Variants in FOCAD observed in about 807,000 individuals in gnomAD.
The protein encoded by FOCAD is KIAA1797.
In FOCAD, 198 loss-of-function variants were observed where a neutral mutation model predicts 225.6. The observed-to-expected ratio is 0.88, with a 90% confidence interval of 0.78 to 0.99. The LOEUF is 0.99. Among genes scored for constraint, FOCAD ranks in the 50% least tolerant of loss-of-function variants. The probability of loss-of-function intolerance (pLI) is 0.00; values close to 1 mark genes in which losing one functional copy is unlikely to be tolerated. For missense variants in FOCAD, 2,713 were observed against 2,123.6 expected, an observed-to-expected ratio of 1.28 and a Z score of -5.46; for synonymous variants, 897 against 755.0, an observed-to-expected ratio of 1.19 and a Z score of -3.08.
intron 28 of FOCAD, among the ~76,000 whole-genome samples, chr9:20,935,503 T>G (rs1587658409): frequency 2.0e-5 from 3 of 152,132 alleles, no homozygotes; most frequent in African/African-American, 7.2e-5. Flanking sequence ...CGAGTTCAAG[T>G]GATTCTCCTG....
At chr9:20,695,746 A>G (rs1167609040) in intron 1 of FOCAD, among the ~76,000 whole-genome samples, 4 of 152,228 alleles carry the variant, frequency 2.6e-5, no homozygotes, top group Non-Finnish European at 4.4e-5. Flanking sequence ...TGGGATAAGT[A>G]TGGCTTAGAG....
At position 20,960,767 on chromosome 9, in the gene FOCAD, A is replaced by G. The variant is rs138746532; in HGVS notation, c.4132+7702A>G. Among the ~76,000 whole-genome samples the G allele has an allele frequency of 4.7e-3, 583 of 125,348 alleles. 2 individuals carry two copies. The highest frequency in any genetic ancestry group is 0.016 in the African/African-American group (538 of 32,966). The allele number at this position is 125,348 out of a possible 152,430, so 82.2% of individuals were successfully genotyped here. On this transcript the variant is annotated intron_variant, in intron 35 of 43. Transcript: ENST00000338382. The stretch of plus-strand genomic sequence containing the variant: ...ACCCCACAACAGGCCTCGGTGTGTG[A>G]TGTTCCCCTTCCTGTGTCCAATGTG...
chr9:20,862,437 G>A, intron 15 of FOCAD, 141 bp from the exon 16 acceptor site: 1 of 825,234 alleles, frequency 1.2e-6, no homozygotes, highest in Non-Finnish European at 1.8e-6. Flanking sequence ...TTGAGGGGTG[G>A]TACCTTATTA....
rs942436934 is a variant in FOCAD at position 20,753,519 on chromosome 9, C to G, written c.393-4571C>G. On this transcript the variant is annotated intron_variant, in intron 5 of 43. Transcript: ENST00000338382. Reference sequence around the variant, plus strand: ...ATCCCAGGGATGAAGCCCACTTGATCATGGTGGATAAGCTTTTTGATGTGC... The same window carrying G: ...ATCCCAGGGATGAAGCCCACTTGATGATGGTGGATAAGCTTTTTGATGTGC... Among the ~76,000 whole-genome samples, 25 of 151,830 alleles carry G rather than the reference C, an allele frequency of 1.6e-4. 1 individual carries two copies. Among genetic ancestry groups the G allele is most frequent in the African/African-American group, 4.4e-4 (18 of 41,292 alleles).
At chr9:20,794,273 T>A (rs1310470634) in intron 11 of FOCAD, among the ~76,000 whole-genome samples, 1 of 152,180 alleles carries the variant, frequency 6.6e-6, no homozygotes, top group African/African-American at 2.4e-5. Context: ...TTTTGTATTG[T>A]GTATAAAAAT....
In FOCAD at chr9:20,946,799, G is replaced by A; in HGVS notation, c.3654G>A (p.Leu1218=). The A allele has an allele frequency of 6.2e-7, 1 of 1,613,782 alleles. No homozygotes were observed. Among genetic ancestry groups the A allele is most frequent in the Non-Finnish European group, 8.5e-7 (1 of 1,179,742 alleles). ...EAEDVMNKLR[L]LVENSQQTSG... is the part of the protein sequence containing the mutation. ...AGGATGTTATGAACAAGCTTCGACTGTTAGTGGAGAATAGCCAGCAGGTTG... is the reference window on the plus strand; with the variant it reads ...AGGATGTTATGAACAAGCTTCGACTATTAGTGGAGAATAGCCAGCAGGTTG... Residue 1218 remains leucine, a synonymous_variant, in exon 30 of 44, where the codon CTG becomes CTA. Coordinates refer to ENST00000338382, the MANE Select transcript of FOCAD (RefSeq NM_001375567.1).
At chr9:20,772,814 T>C (rs1216202186) in intron 8 of FOCAD, among the ~76,000 whole-genome samples, 2 of 152,070 alleles carry the variant, frequency 1.3e-5, no homozygotes, top group Admixed American at 1.3e-4. Flanking sequence ...GCCAATCTTA[T>C]GATTAGAATG....
intron 5 of FOCAD, among the ~76,000 whole-genome samples, chr9:20,755,599 C>T (rs556650377): frequency 5.3e-5 from 8 of 152,178 alleles, no homozygotes; most frequent in Admixed American, 1.3e-4. Context: ...AAAAGCACTT[C>T]GGTGCCTTAT....
rs1194403657 is a variant in FOCAD, at chr9:20,779,963, A to G, written c.994+1195A>G. Among the ~76,000 whole-genome samples, 3 of 152,216 alleles carry G rather than the reference A, an allele frequency of 2.0e-5. No homozygotes were observed. In the East Asian group the frequency reaches 5.8e-4, roughly 29 times the overall value. ...ATGTTCGCTTATACCTTCCCTCCAC[A>G]GTCTGATCCGGTTTTTGCCTTTTTC... is the stretch of plus-strand genomic sequence containing the variant. On this transcript the variant is annotated intron_variant, in intron 9 of 43. Transcript: ENST00000338382.
intron 34 of FOCAD, among the ~76,000 whole-genome samples, chr9:20,952,759 A>G (rs1301210743): frequency 6.6e-6 from 1 of 151,920 alleles, no homozygotes; most frequent in Non-Finnish European, 1.5e-5. Flanking sequence ...AGACTTTTCT[A>G]ACTTTGCCAC....
intron 15 of FOCAD, among the ~76,000 whole-genome samples, chr9:20,830,293 A>G (rs1037411032): frequency 2.5e-4 from 38 of 152,068 alleles, no homozygotes; most frequent in African/African-American, 9.2e-4. Context: ...TCTTAATGAA[A>G]AAGATGTTTT....
chr9:20,850,748 C>CA (rs1366618861), intron 15 of FOCAD, among the ~76,000 whole-genome samples: 3 of 150,914 alleles, frequency 2.0e-5, no homozygotes, highest in African/African-American at 4.9e-5. Flanking sequence ...CACAACAGAG[C>CA]ATCTGGTACA....
intron 35 of FOCAD, among the ~76,000 whole-genome samples, chr9:20,966,140 A>G (rs553408618): frequency 3.3e-5 from 5 of 152,244 alleles, no homozygotes; most frequent in Admixed American, 3.3e-4. Context: ...GCACTGTTTT[A>G]CATTCTTGCA....
chr9:20,686,189 C>T (rs190099821), intron 1 of FOCAD, among the ~76,000 whole-genome samples: 4 of 152,328 alleles, frequency 2.6e-5, no homozygotes, highest in Non-Finnish European at 4.4e-5. Context: ...GACAGGGTCA[C>T]TCTGTCGCCC....
At chr9:20,940,500 G>C (rs572920597) in intron 28 of FOCAD, among the ~76,000 whole-genome samples, 5 of 152,146 alleles carry the variant, frequency 3.3e-5, no homozygotes, top group African/African-American at 1.2e-4. Context: ...GCCTAGGCCG[G>C]TGTTGAACTC....
Position 20,820,977 on chromosome 9 carries a change from G to T in FOCAD, c.1699G>T (p.Val567Leu). The T allele has an allele frequency of 6.2e-7, 1 of 1,612,772 alleles. No individual in the cohort carries two copies. The highest frequency in any genetic ancestry group is 8.5e-7 in the Non-Finnish European group (1 of 1,179,116). ...VYPELQRFMA[V>L]SDVPSLSVGK... is the part of the protein sequence containing the mutation. ...TCCTGAACTGCAGCGTTTCATGGCT[G>T]TGTCTGATGTACCTTCTCTTTCGGT... Residue 567 changes from valine to leucine, a missense_variant, in exon 14 of 44, where the codon GTG becomes TTG. Physicochemically the swap from Val to Leu is conservative, Grantham distance 32. Transcript: ENST00000338382.
At chr9:20,762,354 C>G (rs947324931) in intron 6 of FOCAD, among the ~76,000 whole-genome samples, 5 of 152,014 alleles carry the variant, frequency 3.3e-5, no homozygotes, top group Admixed American at 6.6e-5. Flanking sequence ...AGTGAAAAGT[C>G]CTTTTGATTT....
intron 35 of FOCAD, among the ~76,000 whole-genome samples, chr9:20,956,983 C>T (rs967104119): frequency 2.5e-4 from 38 of 152,230 alleles, no homozygotes; most frequent in African/African-American, 8.9e-4. Context: ...TGTGAGCCAC[C>T]GTGCCTGGCC....
intron 15 of FOCAD, among the ~76,000 whole-genome samples, chr9:20,841,971 G>T (rs1826576718): frequency 6.6e-6 from 1 of 151,802 alleles, no homozygotes; most frequent in South Asian, 2.1e-4. Flanking sequence ...TTTGTTTCAA[G>T]AAATTTAAAA....
Sources: allele counts gnomAD v4.1 joint callset (sites outside exome capture counted in the v4.1 genomes callset), GRCh38; gene constraint gnomAD v4.1.1; transcripts MANE v1.5; gene names NCBI Gene and HGNC (gene_info 2026-07-23, HGNC 2026-07-21).